USP48: variants seen among roughly 807,000 people sequenced by gnomAD.
USP48 encodes ubiquitin carboxyl-terminal hydrolase 48.
Under a neutral mutation model 150.7 loss-of-function variants are expected in USP48, and 43 were observed. That is an observed-to-expected ratio of 0.29 (90% CI 0.22 to 0.37). USP48 has a LOEUF of 0.37. Ranked by LOEUF, USP48 falls within the 10% of genes least tolerant of loss-of-function variation. USP48 has a pLI of 1.00. For synonymous variants in USP48, 396 were observed against 425.9 expected (o/e 0.93, Z 0.86); for missense variants, 813 against 1,249.6 (o/e 0.65, Z 5.27).
chr1:21,763,932 CA>C (rs2097855823), intron 1 of USP48, among the ~76,000 whole-genome samples: 1 of 152,198 alleles, frequency 6.6e-6, no homozygotes, highest in Non-Finnish European at 1.5e-5. Context: ...AGCAGCACAG[CA>C]GAATGCCAAC....
At chr1:21,742,473 G>A (rs1338893112) in intron 8 of USP48, among the ~76,000 whole-genome samples, 1 of 151,134 alleles carries the variant, frequency 6.6e-6, no homozygotes, top group Non-Finnish European at 1.5e-5. Context: ...GAACCTGGGA[G>A]GCGGAGGTTG....
chr1:21,777,157 G>A (rs1476488705), intron 1 of USP48, among the ~76,000 whole-genome samples: 1 of 151,748 alleles, frequency 6.6e-6, no homozygotes, highest in Non-Finnish European at 1.5e-5. Flanking sequence ...GTGTGGTGGA[G>A]CATGCTTGTA....
chr1:21,723,598 T>C (rs1479384550), intron 12 of USP48, among the ~76,000 whole-genome samples: 2 of 151,888 alleles, frequency 1.3e-5, no homozygotes, highest in East Asian at 3.9e-4. Context: ...TTAAACAGTA[T>C]TACACAGAGT....
intron 25 of USP48, chr1:21,686,907 C>T: frequency 2.4e-6 from 1 of 413,920 alleles, no homozygotes; most frequent in Non-Finnish European, 4.3e-6. Context: ...TTGTGTGTGC[C>T]TGTCTGGGGC....
chr1:21,728,807 GATTA>G, intron 10 of USP48, 88 bp from the exon 11 acceptor site: 1 of 1,448,196 alleles, frequency 6.9e-7, no homozygotes, highest in East Asian at 2.4e-5. Flanking sequence ...ATCAAATACT[GATTA>G]AAACATTGGC....
chr1:21,709,907 CTAAATA>C (rs2097685893), intron 15 of USP48, among the ~76,000 whole-genome samples: 1 of 152,034 alleles, frequency 6.6e-6, no homozygotes, highest in Non-Finnish European at 1.5e-5. Flanking sequence ...AGCTGAGTTT[CTAAATA>C]TAATTTCCTA....
chr1:21,730,516 GA>G (rs1288707148), intron 9 of USP48, among the ~76,000 whole-genome samples: 7 of 151,932 alleles, frequency 4.6e-5, no homozygotes, highest in Admixed American at 3.3e-4. Flanking sequence ...CCAACATGGT[GA>G]AAACCCATCT....
At chr1:21,780,774 G>A (rs149183900) in intron 1 of USP48, among the ~76,000 whole-genome samples, 1,692 of 124,614 alleles carry the variant, frequency 0.014, 23 homozygotes, top group Middle Eastern at 0.12. Context: ...ACTGAGTCTC[G>A]CCCTGTTGCC....
At chr1:21,742,086 A>C (rs532197525) in intron 8 of USP48, among the ~76,000 whole-genome samples, 1 of 152,292 alleles carries the variant, frequency 6.6e-6, no homozygotes, top group South Asian at 2.1e-4. Flanking sequence ...TATTAGTATT[A>C]GCTGGCCCAG....
At chr1:21,697,680 AAG>A (rs1350303063) in intron 22 of USP48, among the ~76,000 whole-genome samples, 1 of 151,562 alleles carries the variant, frequency 6.6e-6, no homozygotes, top group Non-Finnish European at 1.5e-5. Flanking sequence ...AAAAAAAAGA[AAG>A]AAAAGAAAAG....
At chr1:21,775,197 C>T (rs888104734) in intron 1 of USP48, among the ~76,000 whole-genome samples, 2 of 151,920 alleles carry the variant, frequency 1.3e-5, no homozygotes, top group Non-Finnish European at 2.9e-5. Flanking sequence ...CAAGCTTAAG[C>T]CATCCTCCCA....
chr1:21,768,023 T>C (rs202102136), intron 1 of USP48, among the ~76,000 whole-genome samples: 5 of 151,856 alleles, frequency 3.3e-5, no homozygotes, highest in Non-Finnish European at 5.9e-5. Flanking sequence ...CTGGCTAACA[T>C]GGTGAAACCC....
chr1:21,697,555 T>C (rs1299161016), intron 22 of USP48, among the ~76,000 whole-genome samples: 2 of 150,454 alleles, frequency 1.3e-5, no homozygotes, highest in East Asian at 3.9e-4. Context: ...CCCAGCTACT[T>C]GGGAGGCTGA....
chr1:21,694,310 C>T (rs1308382117), intron 23 of USP48, among the ~76,000 whole-genome samples: 2 of 151,902 alleles, frequency 1.3e-5, no homozygotes, highest in East Asian at 1.9e-4. Flanking sequence ...CGGTGGCTCA[C>T]GCCTGTAATC....
chr1:21,736,101 T>C (rs1489867002), intron 9 of USP48, among the ~76,000 whole-genome samples: 1 of 151,980 alleles, frequency 6.6e-6, no homozygotes, highest in Non-Finnish European at 1.5e-5. Context: ...ACAAAATTTT[T>C]ACCTGACAAA....
intron 1 of USP48, among the ~76,000 whole-genome samples, chr1:21,773,428 C>G (rs2097888127): frequency 6.6e-6 from 1 of 151,750 alleles, no homozygotes; most frequent in African/African-American, 2.4e-5. Flanking sequence ...TTTGGGAGGC[C>G]AAGGCTGAGG....
chr1:21,769,688 G>A (rs1444833115), intron 1 of USP48, among the ~76,000 whole-genome samples: 1 of 152,138 alleles, frequency 6.6e-6, no homozygotes, highest in Non-Finnish European at 1.5e-5. Context: ...TGGGATTAAA[G>A]GCGTAAGCCA....
At chr1:21,763,200 T>C (rs1398230357) in intron 1 of USP48, among the ~76,000 whole-genome samples, 2 of 152,194 alleles carry the variant, frequency 1.3e-5, no homozygotes, top group African/African-American at 2.4e-5. Flanking sequence ...ACTGGCATTG[T>C]TCTTTTTAAA....
intron 1 of USP48, among the ~76,000 whole-genome samples, chr1:21,758,078 T>C (rs1285735721): frequency 1.3e-5 from 2 of 152,060 alleles, no homozygotes; most frequent in African/African-American, 4.8e-5. Flanking sequence ...CTCATAAGGT[T>C]ATTCATTACA....
Sources: gnomAD v4.1 joint callset for allele counts (sites outside exome capture counted in the v4.1 genomes callset) on GRCh38, gnomAD v4.1.1 for gene constraint, MANE v1.5 for transcripts, NCBI Gene and HGNC (gene_info 2026-07-23, HGNC 2026-07-21) for gene names.